Variants in RARB observed in about 807,000 individuals in gnomAD.
RARB encodes the protein HBV-activated protein.
RARB carries 17 observed loss-of-function variants against 51.9 expected under a neutral mutation model. The observed-to-expected ratio is 0.33, with a 90% confidence interval of 0.22 to 0.49. RARB has a LOEUF of 0.49. Ranked by LOEUF, RARB falls within the 20% of genes least tolerant of loss-of-function variation. RARB has a pLI of 0.99. For synonymous variants in RARB, 215 were observed against 195.4 expected (o/e 1.10, Z -0.84); for missense variants, 369 against 550.8 (o/e 0.67, Z 3.30).
rs538993067 is a variant in RARB, at chr3:25,238,988, C to A, written c.178+64413C>A. Among the ~76,000 whole-genome samples the A allele has an allele frequency of 2.0e-4, 31 of 152,176 alleles. No individual in the cohort carries two copies. The East Asian group carries it at 6.0e-3, about 29-fold the overall frequency. On this transcript the variant is annotated intron_variant, in intron 5 of 11. Coordinates refer to the RARB transcript ENST00000383772. ...AGCAAGACTGTGTCTCAAAAAGTAA[C>A]AATAGCCATGATAACTGGGGTAGGA...
intron 3 of RARB, among the ~76,000 whole-genome samples, chr3:25,513,341 A>C (rs1166145201): frequency 6.6e-6 from 1 of 152,014 alleles, no homozygotes; most frequent in East Asian, 1.9e-4. Flanking sequence ...GAAAGGAAAG[A>C]AATGAAGAAA....
At chr3:25,548,330 T>TA (rs1288926151) in intron 3 of RARB, among the ~76,000 whole-genome samples, 4 of 152,206 alleles carry the variant, frequency 2.6e-5, no homozygotes, top group African/African-American at 9.6e-5. Flanking sequence ...TTATCAGTCT[T>TA]ACAAATGTTT....
intron 5 of RARB, among the ~76,000 whole-genome samples, chr3:25,201,297 C>G (rs1228647065): frequency 2.0e-5 from 3 of 152,154 alleles, no homozygotes; most frequent in African/African-American, 7.2e-5. Context: ...TGAGACTTTG[C>G]TGAAGTTGCT....
chr3:25,112,586 G>C (rs1038035283), intron 3 of RARB, among the ~76,000 whole-genome samples: 9 of 152,018 alleles, frequency 5.9e-5, no homozygotes, highest in African/African-American at 2.2e-4. Context: ...AGACCAGCCT[G>C]GGCCACATAG....
intron 2 of RARB, among the ~76,000 whole-genome samples, chr3:24,876,406 C>A (rs1269781659): frequency 6.6e-6 from 1 of 152,028 alleles, no homozygotes; most frequent in Admixed American, 6.6e-5. Flanking sequence ...GAGATGCTCT[C>A]TGCCTCATTT....
intron 5 of RARB, among the ~76,000 whole-genome samples, chr3:25,204,777 C>T (rs912262708): frequency 3.9e-5 from 6 of 152,150 alleles, no homozygotes; most frequent in African/African-American, 1.4e-4. Context: ...CCTGAATGTT[C>T]CTCTGGAAGT....
intron 2 of RARB, among the ~76,000 whole-genome samples, chr3:24,895,979 AATGG>A (rs770956862): frequency 1.3e-5 from 2 of 152,232 alleles, no homozygotes; most frequent in African/African-American, 4.8e-5. Context: ...TAAAAAGATG[AATGG>A]ATGAACAAAT....
At chr3:25,288,520 A>T (rs987615436) in intron 5 of RARB, among the ~76,000 whole-genome samples, 19 of 152,176 alleles carry the variant, frequency 1.2e-4, no homozygotes, top group African/African-American at 4.6e-4. Flanking sequence ...CATTCATTTA[A>T]ATAACCCATG....
At chr3:25,401,670 G>A (rs1049445522) in intron 5 of RARB, among the ~76,000 whole-genome samples, 3 of 152,166 alleles carry the variant, frequency 2.0e-5, no homozygotes, top group Non-Finnish European at 4.4e-5. Flanking sequence ...ACAGAAGAAC[G>A]GATTAGTGAA....
chr3:25,041,998 T>C (rs914394174), intron 2 of RARB, among the ~76,000 whole-genome samples: 3 of 152,050 alleles, frequency 2.0e-5, no homozygotes, highest in African/African-American at 7.2e-5. Context: ...AAACAATCAA[T>C]GAGAGAAGGT....
chr3:25,489,171 A>G (rs546028863), intron 2 of RARB, among the ~76,000 whole-genome samples: 66 of 152,334 alleles, frequency 4.3e-4, no homozygotes, highest in Non-Finnish European at 7.1e-4. Flanking sequence ...AGACAAGTTC[A>G]TGTTGTTTAA....
intron 2 of RARB, among the ~76,000 whole-genome samples, chr3:24,900,113 CA>C (rs1703570391): frequency 6.6e-6 from 1 of 152,142 alleles, no homozygotes; most frequent in African/African-American, 2.4e-5. Flanking sequence ...GCCAGGGCAG[CA>C]ATAATAGCAG....
At chr3:25,188,960 A>G (rs933569929) in intron 5 of RARB, among the ~76,000 whole-genome samples, 1 of 152,188 alleles carries the variant, frequency 6.6e-6, no homozygotes, top group Non-Finnish European at 1.5e-5. Flanking sequence ...AATGCATCCT[A>G]TGATATAGAT....
At chr3:25,087,693 T>C (rs1401544043) in intron 3 of RARB, among the ~76,000 whole-genome samples, 2 of 152,136 alleles carry the variant, frequency 1.3e-5, no homozygotes, top group Non-Finnish European at 2.9e-5. Flanking sequence ...TTGTTATTCA[T>C]TCTCTCACCC....
At position 25,243,154 on chromosome 3, in the gene RARB, A is replaced by AT. The variant is rs201943313; in HGVS notation, c.178+68585dup. Among the ~76,000 whole-genome samples the AT allele has an allele frequency of 1.0e-2, 1,520 of 152,188 alleles. 112 individuals are homozygous for AT. The highest frequency in any genetic ancestry group is 0.093 in the Admixed American group (1,418 of 15,278). On this transcript the variant is annotated intron_variant, in intron 5 of 11. Transcript: ENST00000383772. ...GAGTGCTTGTGATTTTTGCAGATCGATTTTTTATCCTGAGACTTTGCTGAA... is the reference window on the plus strand; with the variant it reads ...GAGTGCTTGTGATTTTTGCAGATCGATTTTTTTATCCTGAGACTTTGCTGAA...
intron 2 of RARB, among the ~76,000 whole-genome samples, chr3:25,019,131 C>T (rs1410149740): frequency 6.6e-6 from 1 of 152,144 alleles, no homozygotes; most frequent in East Asian, 1.9e-4. Flanking sequence ...ATAGAGTTCT[C>T]ATGTCATACC....
At chr3:25,357,231 A>C (rs1006238446) in intron 5 of RARB, among the ~76,000 whole-genome samples, 6 of 152,134 alleles carry the variant, frequency 3.9e-5, no homozygotes, top group African/African-American at 1.4e-4. Context: ...ATGGTATCTC[A>C]TTGTGGTTTT....
chr3:25,401,305 C>T (rs1707256799), intron 5 of RARB, among the ~76,000 whole-genome samples: 1 of 152,136 alleles, frequency 6.6e-6, no homozygotes, highest in African/African-American at 2.4e-5. Flanking sequence ...ACTCTAGATA[C>T]CTAGATTTAC....
At chr3:25,486,082 T>C (rs1374142845) in intron 2 of RARB, among the ~76,000 whole-genome samples, 1 of 152,238 alleles carries the variant, frequency 6.6e-6, no homozygotes, top group Non-Finnish European at 1.5e-5. Flanking sequence ...CTTGAGTATT[T>C]TGCTGGGAGT....
Sources: allele counts gnomAD v4.1 joint callset (sites outside exome capture counted in the v4.1 genomes callset), GRCh38; gene constraint gnomAD v4.1.1; transcripts MANE v1.5; gene names NCBI Gene and HGNC (gene_info 2026-07-23, HGNC 2026-07-21).